TMTC4: variants seen among roughly 807,000 people sequenced by gnomAD.
TMTC4 encodes the protein protein O-mannosyl-transferase TMTC4.
In TMTC4, 65 loss-of-function variants were observed where a neutral mutation model predicts 86.0. The observed-to-expected ratio is 0.76, with a 90% CI of 0.62 to 0.93. The LOEUF (loss-of-function observed/expected upper bound fraction) is 0.93. Among genes scored for constraint, TMTC4 ranks in the 40% least tolerant of loss-of-function variants. The probability of loss-of-function intolerance (pLI) is 0.00; values close to 1 mark genes in which losing one functional copy is unlikely to be tolerated. For synonymous variants in TMTC4, 379 were observed against 382.5 expected (o/e 0.99, Z 0.11); for missense variants, 866 against 948.1 (o/e 0.91, Z 1.14).
chr13:100,614,216 TC>T, intron 16 of TMTC4, 99 bp downstream of exon 16: 1 of 852,576 alleles, frequency 1.2e-6, no homozygotes, highest in Non-Finnish European at 1.8e-6. Context: ...TTTTTTAAAC[TC>T]AGTAGGAAAA....
chr13:100,659,668 C>T (rs1437005735), intron 5 of TMTC4, among the ~76,000 whole-genome samples: 1 of 151,776 alleles, frequency 6.6e-6, no homozygotes, highest in African/African-American at 2.4e-5. Flanking sequence ...AGGGACTGGC[C>T]TGTCAGAGGG....
intron 5 of TMTC4, among the ~76,000 whole-genome samples, chr13:100,661,611 A>G (rs767712412): frequency 6.6e-6 from 1 of 152,174 alleles, no homozygotes; most frequent in Non-Finnish European, 1.5e-5. Context: ...AGAGCTTATA[A>G]CTAAATTTTT....
chr13:100,614,940 T>C, intron 15 of TMTC4: 1 of 985,280 alleles, frequency 1.0e-6, no homozygotes, highest in South Asian at 4.7e-5. Context: ...TTGTGAAGGG[T>C]GGTCTCAGGG....
chr13:100,668,750 T>C lies in TMTC4; in HGVS notation c.48A>G (p.Ala16=). ...HNAGAGSHQP[A]VFRMAVLDTD... Reference sequence around the variant, plus strand: ...TGTCCAACACGGCCATTCTGAAAACTGCAGGTTGGTGGCTCCCGGCTCCAG... The same window carrying C: ...TGTCCAACACGGCCATTCTGAAAACCGCAGGTTGGTGGCTCCCGGCTCCAG... Residue 16 remains alanine (A), a synonymous_variant, in exon 3 of 19, where the codon GCA becomes GCG. Transcript: ENST00000342624. 6.2e-7 allele frequency: 1 copy of C among 1,614,222 alleles called. No individual in the cohort carries two copies. The highest frequency in any genetic ancestry group is 1.6e-4 in the Middle Eastern group (1 of 6,062).
rs1298487393 is a variant in TMTC4 at position 100,637,686 on chromosome 13, C to T, written c.851G>A (p.Arg284Lys). The change falls in exon 9 of 19, where the codon AGG (arginine) becomes AAG (lysine). Residue 284 changes from arginine (R) to lysine (K), a missense_variant. Transcript: ENST00000342624. ...DKSLENLGML[R>K]NGGLLFRMTL... is the part of the protein sequence containing the mutation. Reference sequence around the variant, plus strand: ...CATTCTGAAGAGGAGGCCCCCGTTCCTGAGCATGCCGAGATTCTGCAAGGA... The same window carrying T: ...CATTCTGAAGAGGAGGCCCCCGTTCTTGAGCATGCCGAGATTCTGCAAGGA... 2 of 1,613,964 alleles carry T rather than the reference C, an allele frequency of 1.2e-6. No homozygotes were observed. The highest frequency in any genetic ancestry group is 1.7e-6 in the Non-Finnish European group (2 of 1,179,882).
In TMTC4 at chr13:100,603,812, C is replaced by T. The variant is rs562842360; in HGVS notation, c.*1182G>A. 2 of 152,274 alleles carry T rather than the reference C, an allele frequency of 1.3e-5. No homozygotes were observed. Among genetic ancestry groups the T allele is most frequent in the East Asian group, 3.9e-4 (2 of 5,170 alleles). The allele number at this position is 152,274 out of a possible 1,614,324, so 9.4% of individuals were successfully genotyped here. A position where few individuals can be genotyped will look rare whatever the true frequency, so the allele number is the denominator to read the frequency against. ...TAGTGCCATTCTATGAAATGGTCCC[C>T]AAGTCACACAGAAGCCACATAAATG... On this transcript the variant is annotated 3_prime_UTR_variant, in exon 19 of 19. Transcript: ENST00000342624.
At chr13:100,644,254 C>T (rs543887947) in intron 6 of TMTC4, among the ~76,000 whole-genome samples, 4 of 152,126 alleles carry the variant, frequency 2.6e-5, no homozygotes, top group South Asian at 4.2e-4. Flanking sequence ...CAGGCGCCCG[C>T]CACCATGCCC....
At chr13:100,672,893 T>C (rs1044807492) in intron 1 of TMTC4, among the ~76,000 whole-genome samples, 5 of 152,166 alleles carry the variant, frequency 3.3e-5, no homozygotes, top group Non-Finnish European at 7.3e-5. Flanking sequence ...CTCCACATGA[T>C]GTCCTGCCTG....
intron 7 of TMTC4, among the ~76,000 whole-genome samples, chr13:100,640,464 C>A (rs1021827743): frequency 6.6e-6 from 1 of 152,170 alleles, no homozygotes; most frequent in Non-Finnish European, 1.5e-5. Context: ...TAGATACAAC[C>A]TAATAAAACA....
At position 100,632,053 on chromosome 13, in the gene TMTC4, A is replaced by ACACTCT. The variant is rs1296569630; in HGVS notation, c.1506+2751_1506+2752insAGAGTG. On this transcript the variant is annotated intron_variant, in intron 12 of 18. Coordinates refer to ENST00000342624, the MANE Select transcript of TMTC4 (RefSeq NM_032813.5). The stretch of plus-strand genomic sequence containing the variant: ...CACACACACACACACACACACACAC[A>ACACTCT]CTCTCTCTCTCTCTCTCTCTCTCTC... Among the ~76,000 whole-genome samples the ACACTCT allele has an allele frequency of 2.3e-3, 101 of 43,128 alleles. 1 individual carries two copies. Among genetic ancestry groups the ACACTCT allele is most frequent in the Middle Eastern group, 0.016 (1 of 62 alleles). 28.3% of individuals were successfully genotyped at this position (43,128 alleles called of 152,430 possible). A position where few individuals can be genotyped will look rare whatever the true frequency, so the allele number is the denominator to read the frequency against.
intron 17 of TMTC4, among the ~76,000 whole-genome samples, chr13:100,609,288 C>T (rs1459579426): frequency 2.0e-5 from 3 of 152,084 alleles, no homozygotes; most frequent in African/African-American, 7.2e-5. Flanking sequence ...TTCAGTTACC[C>T]TGTATTTACA....
chr13:100,653,375 G>T (rs1414142358), intron 6 of TMTC4, among the ~76,000 whole-genome samples: 1 of 152,162 alleles, frequency 6.6e-6, no homozygotes, highest in African/African-American at 2.4e-5. Flanking sequence ...TTGTGAGGAG[G>T]AGGGGAGAGA....
intron 12 of TMTC4, among the ~76,000 whole-genome samples, chr13:100,626,975 A>G (rs1880641131): frequency 6.6e-6 from 1 of 152,058 alleles, no homozygotes; most frequent in East Asian, 1.9e-4. Flanking sequence ...GGCCCTGGAG[A>G]GCTCCCATGC....
At chr13:100,630,019 CTGTGTGTATGTGTGTGTG>C (rs1278334912) in intron 12 of TMTC4, among the ~76,000 whole-genome samples, 8 of 146,678 alleles carry the variant, frequency 5.5e-5, no homozygotes, top group South Asian at 2.2e-4. Context: ...GCCACCCAAT[CTGTGTGTATGTGTGTGTG>C]TGTGTGTGTG....
intron 15 of TMTC4, chr13:100,624,349 A>T (rs1173836977): frequency 2.0e-5 from 1 of 49,544 alleles, no homozygotes; most frequent in Non-Finnish European, 5.6e-5. Flanking sequence ...CTCAAAAAAA[A>T]AAAATAAAAA....
rs1039277692 is a variant in TMTC4 at position 100,636,776 on chromosome 13, C to A, written c.1000-42G>T. ...GAACAAACATCTATTTGATACTGAA[C>A]TTAAAAAACACATATATACGCACTA... On this transcript the variant is annotated intron_variant, in intron 9 of 18. Transcript: ENST00000342624. 31 of 1,605,176 alleles carry A rather than the reference C, an allele frequency of 1.9e-5. 1 individual carries two copies. The Admixed American group carries it at 3.8e-4, about 20-fold the overall frequency.
intron 6 of TMTC4, among the ~76,000 whole-genome samples, chr13:100,647,331 C>T (rs1329950732): frequency 1.3e-5 from 2 of 152,220 alleles, no homozygotes; most frequent in Non-Finnish European, 2.9e-5. Context: ...GAGATGGTGC[C>T]ATGGCCGGGC....
At chr13:100,644,098 C>CT (rs35254351) in intron 6 of TMTC4, among the ~76,000 whole-genome samples, 2,234 of 132,240 alleles carry the variant, frequency 0.017, 49 homozygotes, top group African/African-American at 0.044. Context: ...GGGAGGCGCT[C>CT]TTTTTTTTTT....
At chr13:100,646,712 T>G (rs1883797860) in intron 6 of TMTC4, among the ~76,000 whole-genome samples, 1 of 152,234 alleles carries the variant, frequency 6.6e-6, no homozygotes, top group Admixed American at 6.5e-5. Flanking sequence ...CACAACAGTA[T>G]GCTTAGATCC....
Sources: gnomAD v4.1 joint callset for allele counts (sites outside exome capture counted in the v4.1 genomes callset) on GRCh38, gnomAD v4.1.1 for gene constraint, MANE v1.5 for transcripts, NCBI Gene and HGNC (gene_info 2026-07-23, HGNC 2026-07-21) for gene names.